Variants in TMEM132C observed in about 807,000 individuals in gnomAD.
The protein encoded by TMEM132C is protein phosphatase 1, regulatory subunit 152.
TMEM132C carries 29 observed loss-of-function variants against 61.4 expected under a neutral mutation model. That is an observed-to-expected ratio of 0.47 (90% CI 0.35 to 0.64). The LOEUF (loss-of-function observed/expected upper bound fraction) is 0.64, where lower values mean the gene tolerates loss of function less well. Among genes scored for constraint, TMEM132C ranks in the 30% least tolerant of loss-of-function variants. The probability of loss-of-function intolerance (pLI) is 0.00; values close to 1 mark genes in which losing one functional copy is unlikely to be tolerated. For missense variants in TMEM132C, 1,408 were observed against 1,476.9 expected (o/e 0.95, Z 0.76); for synonymous variants, 656 against 633.1 (o/e 1.04, Z -0.54).
chr12:128,549,425 G>A (rs1164303854), intron 3 of TMEM132C, among the ~76,000 whole-genome samples: 2 of 152,008 alleles, frequency 1.3e-5, no homozygotes, highest in Non-Finnish European at 2.9e-5. Flanking sequence ...CGCGTCAAAG[G>A]GCTGCTTGGC....
chr12:128,454,298 G>T (rs76896203), intron 2 of TMEM132C, among the ~76,000 whole-genome samples: 1 of 152,072 alleles, frequency 6.6e-6, no homozygotes, highest in African/African-American at 2.4e-5. Flanking sequence ...TCAAAGTTAC[G>T]GAAAATACTA....
At chr12:128,332,838 TGCAGTGGC>T (rs36122363) in intron 1 of TMEM132C, among the ~76,000 whole-genome samples, 6,980 of 152,290 alleles carry the variant, frequency 0.046, 505 homozygotes, top group African/African-American at 0.16. Context: ...TTCAAGGAGT[TGCAGTGGC>T]TCTTGCCAAG....
intron 1 of TMEM132C, among the ~76,000 whole-genome samples, chr12:128,317,871 C>G (rs1318574171): frequency 1.3e-5 from 2 of 152,164 alleles, no homozygotes; most frequent in African/African-American, 4.8e-5. Context: ...GTACTCCATC[C>G]TGGGTGATAG....
chr12:128,629,229 C>A (rs1046671683), intron 4 of TMEM132C, among the ~76,000 whole-genome samples: 3 of 152,150 alleles, frequency 2.0e-5, no homozygotes, highest in South Asian at 2.1e-4. Context: ...TAAAAAAAAA[C>A]CTGGGACAGT....
chr12:128,433,666 G>A (rs1411163206), intron 2 of TMEM132C, among the ~76,000 whole-genome samples: 3 of 152,182 alleles, frequency 2.0e-5, no homozygotes, highest in Admixed American at 2.0e-4. Flanking sequence ...ACCCTCAGAG[G>A]ATCCTCAGGC....
At chr12:128,533,012 G>C (rs1473354901) in intron 2 of TMEM132C, among the ~76,000 whole-genome samples, 2 of 151,646 alleles carry the variant, frequency 1.3e-5, no homozygotes, top group African/African-American at 2.4e-5. Context: ...GCTGCTGTCA[G>C]GTCAGTGGGT....
intron 1 of TMEM132C, among the ~76,000 whole-genome samples, chr12:128,382,291 T>TACTGCACAG (rs1874425709): frequency 6.6e-6 from 1 of 152,170 alleles, no homozygotes; most frequent in Admixed American, 6.5e-5. Context: ...CATACTGACG[T>TACTGCACAG]ACTGCACAGA....
rs544047531 is a variant in TMEM132C at position 128,442,198 on chromosome 12, T to G, written c.974+26578T>G. 5.4e-4 allele frequency among the ~76,000 whole-genome samples: 82 copies of G among 152,242 alleles called. No individual in the cohort carries two copies. In the South Asian group the frequency reaches 0.017, roughly 31 times the overall value. ...CCTGTCTGTTTAGCCTCGTCATCACTTGCTCCCTCCCCTCCAGAAGTAAGA... is the reference window on the plus strand; with the variant it reads ...CCTGTCTGTTTAGCCTCGTCATCACGTGCTCCCTCCCCTCCAGAAGTAAGA... On this transcript the variant is annotated intron_variant, in intron 2 of 8. Transcript: ENST00000435159.
At chr12:128,385,187 C>A (rs1359570980) in intron 1 of TMEM132C, among the ~76,000 whole-genome samples, 1 of 152,216 alleles carries the variant, frequency 6.6e-6, no homozygotes, top group Non-Finnish European at 1.5e-5. Context: ...GGAATGGAGG[C>A]AAGGAGACCT....
intron 1 of TMEM132C, among the ~76,000 whole-genome samples, chr12:128,352,003 T>C (rs1444453177): frequency 1.3e-5 from 2 of 152,194 alleles, no homozygotes; most frequent in African/African-American, 4.8e-5. Flanking sequence ...CCAGTGTTCC[T>C]GTCTGAAGGC....
At chr12:128,704,625 T>C (rs1410544969) in intron 8 of TMEM132C, among the ~76,000 whole-genome samples, 1 of 152,166 alleles carries the variant, frequency 6.6e-6, no homozygotes, top group Non-Finnish European at 1.5e-5. Flanking sequence ...CTGACAGTGT[T>C]TCCTGCCCAT....
At chr12:128,333,567 G>T (rs1872718126) in intron 1 of TMEM132C, among the ~76,000 whole-genome samples, 1 of 151,594 alleles carries the variant, frequency 6.6e-6, no homozygotes, top group Non-Finnish European at 1.5e-5. Context: ...AGTGTTGGTT[G>T]TGTGTATATG....
chr12:128,359,664 G>T (rs1426635855), intron 1 of TMEM132C, among the ~76,000 whole-genome samples: 2 of 152,124 alleles, frequency 1.3e-5, no homozygotes, highest in Non-Finnish European at 2.9e-5. Flanking sequence ...TTCTCTGAGG[G>T]TGTTTTCATT....
intron 2 of TMEM132C, among the ~76,000 whole-genome samples, chr12:128,497,906 C>T (rs886607729): frequency 6.6e-6 from 1 of 152,276 alleles, no homozygotes; most frequent in South Asian, 2.1e-4. Flanking sequence ...AATCACCCGT[C>T]TTCTGCATCG....
Position 128,543,849 on chromosome 12 carries a change from T to A in TMEM132C, c.975-108T>A, listed in dbSNP as rs975175023. ...TGCCTCTCACTAGATATGAAAAAAG[T>A]GGAAAAGCAAAACAGAAACTAAAGG... On this transcript the variant is annotated intron_variant, in intron 2 of 8. Transcript: ENST00000435159. 8.4e-6 allele frequency: 12 copies of A among 1,422,766 alleles called. No individual in the cohort carries two copies. The African/African-American group carries it at 1.8e-4, about 21-fold the overall frequency. The allele number at this position is 1,422,766 out of a possible 1,614,324, so 88.1% of individuals were successfully genotyped here.
At chr12:128,697,490 G>A in intron 8 of TMEM132C, 75 bp downstream of exon 8, 1 of 1,401,980 alleles carries the variant, frequency 7.1e-7, no homozygotes, top group Non-Finnish European at 9.5e-7. Context: ...GGGGCAGGGT[G>A]GAGTGAGAAA....
At chr12:128,333,587 G>A (rs577584191) in intron 1 of TMEM132C, among the ~76,000 whole-genome samples, 1 of 150,156 alleles carries the variant, frequency 6.7e-6, no homozygotes, top group South Asian at 2.1e-4. Context: ...GTGAGAATGT[G>A]TGATGTTGTG....
Position 128,292,263 on chromosome 12 carries a change from G to C in TMEM132C, c.85+24776G>C, listed in dbSNP as rs192029177. Among the ~76,000 whole-genome samples, 377 of 152,284 alleles carry C rather than the reference G, an allele frequency of 2.5e-3. 4 individuals carry two copies. Among genetic ancestry groups the C allele is most frequent in the African/African-American group, 8.9e-3 (370 of 41,564 alleles). On this transcript the variant is annotated intron_variant, in intron 1 of 8. Coordinates refer to ENST00000435159, the MANE Select transcript of TMEM132C (RefSeq NM_001136103.3). ...CAGTCAAAAGAATCGTGGTCAAACA[G>C]AATGAAAGGCAAAACTTAGAGGAAA...
At chr12:128,628,310 G>A (rs143921164) in intron 4 of TMEM132C, among the ~76,000 whole-genome samples, 37 of 152,226 alleles carry the variant, frequency 2.4e-4, no homozygotes, top group Middle Eastern at 3.4e-3. Context: ...GGTCCACGGC[G>A]GCACGCTGAG....
Sources: gnomAD v4.1 joint callset for allele counts (sites outside exome capture counted in the v4.1 genomes callset) on GRCh38, gnomAD v4.1.1 for gene constraint, MANE v1.5 for transcripts, NCBI Gene and HGNC (gene_info 2026-07-23, HGNC 2026-07-21) for gene names.